Variants in RPA3 observed in about 807,000 individuals in gnomAD.
RPA3 encodes the protein replication protein A3, also known as replication protein A 14 kDa subunit.
Under a neutral mutation model 13.7 loss-of-function variants are expected in RPA3, and 24 were observed. The observed-to-expected ratio is 1.75, with a 90% confidence interval of 1.27 to 2.46. The LOEUF is 2.46. RPA3 is among the 30% of genes most tolerant of loss of function. RPA3 has a pLI of 0.00. For synonymous variants in RPA3, 59 were observed against 51.2 expected, an observed-to-expected ratio of 1.15 and a Z score of -0.65; for missense variants, 183 against 151.0, an observed-to-expected ratio of 1.21 and a Z score of -1.11.
intron 5 of RPA3, 50 bp downstream of exon 5, chr7:7,640,270 C>A (rs1159375598): frequency 6.3e-7 from 1 of 1,575,038 alleles, no homozygotes. Flanking sequence ...CAGGCGGGGT[C>A]CCTCCCTCCA....
intron 4 of RPA3, among the ~76,000 whole-genome samples, chr7:7,648,125 G>T (rs1471373782): frequency 1.3e-5 from 2 of 152,212 alleles, no homozygotes; most frequent in African/African-American, 4.8e-5. Context: ...ATACCAGCCA[G>T]TGGGCTCCAG....
chr7:7,681,163 A>G (rs1779902289), intron 4 of RPA3, among the ~76,000 whole-genome samples: 1 of 152,146 alleles, frequency 6.6e-6, no homozygotes, highest in Non-Finnish European at 1.5e-5. Flanking sequence ...TTATCTCCTT[A>G]TGTGGCCTTT....
chr7:7,644,632 C>T (rs1345683681), intron 4 of RPA3, among the ~76,000 whole-genome samples: 1 of 152,138 alleles, frequency 6.6e-6, no homozygotes, highest in African/African-American at 2.4e-5. Flanking sequence ...GACTGTATCA[C>T]CTTTTTGCCA....
rs34968724 is a variant in RPA3, at chr7:7,685,314, C to CTT, written c.-758+514_-758+515dup. ...ATTATTATTGGGTTTACACATTGAT[C>CTT]TTTTTTTTTTTTTTGAGACGGAGTC... On this transcript the variant is annotated intron_variant, in intron 4 of 7. Transcript: ENST00000223129. Among the ~76,000 whole-genome samples, 140 of 143,708 alleles carry CTT rather than the reference C, an allele frequency of 9.7e-4. 2 individuals carry two copies. Among genetic ancestry groups the CTT allele is most frequent in the East Asian group, 6.5e-3 (32 of 4,914 alleles). 94.3% of individuals were successfully genotyped at this position (143,708 alleles called of 152,430 possible).
chr7:7,639,025 G>A, intron 6 of RPA3, 45 bp downstream of exon 6: 4 of 1,391,698 alleles, frequency 2.9e-6, no homozygotes, highest in Non-Finnish European at 3.9e-6. Flanking sequence ...TCAAGATGAA[G>A]AATTAACTAT....
At chr7:7,677,909 G>A (rs530695352) in intron 4 of RPA3, among the ~76,000 whole-genome samples, 32 of 151,668 alleles carry the variant, frequency 2.1e-4, no homozygotes, top group African/African-American at 7.0e-4. Flanking sequence ...TCCTGACCTC[G>A]TGATCCGCCC....
chr7:7,714,042 T>A (rs1487674636), intron 2 of RPA3, among the ~76,000 whole-genome samples: 1 of 152,248 alleles, frequency 6.6e-6, no homozygotes, highest in Non-Finnish European at 1.5e-5. Context: ...GAGTTATTTT[T>A]AAATGTTTTA....
intron 4 of RPA3, among the ~76,000 whole-genome samples, chr7:7,659,666 G>A (rs1432127518): frequency 6.6e-6 from 1 of 152,106 alleles, no homozygotes; most frequent in African/African-American, 2.4e-5. Flanking sequence ...TGTGGTCTGA[G>A]AGACTGTTAT....
intron 7 of RPA3, 115 bp from the exon 8 acceptor site, chr7:7,637,197 T>C: frequency 1.3e-6 from 1 of 763,398 alleles, no homozygotes; most frequent in South Asian, 1.6e-5. Flanking sequence ...AGTGAGTTTC[T>C]AAAAATGGAG....
In RPA3 at chr7:7,649,109, G is replaced by C. The variant is rs563888804; in HGVS notation, c.-757-7934C>G. 1.2e-3 allele frequency among the ~76,000 whole-genome samples: 162 copies of C among 133,014 alleles called. 1 individual carries two copies. The highest frequency in any genetic ancestry group is 2.0e-3 in the Non-Finnish European group (128 of 65,344). 87.3% of individuals were successfully genotyped at this position (133,014 alleles called of 152,430 possible). ...GGAAGTGGAGATTGCAGTAAGCCAA[G>C]ATTGTGCCACTGCACTCCAGCCCGT... is the stretch of plus-strand genomic sequence containing the variant. On this transcript the variant is annotated intron_variant, in intron 4 of 7. Coordinates refer to ENST00000223129, the MANE Select transcript of RPA3 (RefSeq NM_002947.5).
chr7:7,703,484 A>C (rs1158368017), intron 2 of RPA3, among the ~76,000 whole-genome samples: 1 of 152,230 alleles, frequency 6.6e-6, no homozygotes, highest in African/African-American at 2.4e-5. Context: ...TTGTGTGGAT[A>C]TAGCACATAC....
chr7:7,640,237 G>C (rs968864162), intron 5 of RPA3, 83 bp downstream of exon 5: 1 of 1,414,654 alleles, frequency 7.1e-7, no homozygotes, highest in Non-Finnish European at 1.0e-6. Flanking sequence ...GAGGCTTTCC[G>C]TCCTTTTTCA....
At chr7:7,661,420 G>T (rs568072462) in intron 4 of RPA3, among the ~76,000 whole-genome samples, 2 of 152,110 alleles carry the variant, frequency 1.3e-5, no homozygotes, top group East Asian at 3.9e-4. Context: ...GCCTTTTTGC[G>T]CTGGTTTGTC....
intron 2 of RPA3, among the ~76,000 whole-genome samples, chr7:7,707,059 G>A (rs980924581): frequency 1.3e-5 from 2 of 152,116 alleles, no homozygotes; most frequent in African/African-American, 4.8e-5. Context: ...TAATTAATTA[G>A]CATTGAGGAG....
At chr7:7,714,189 T>G (rs2115173725) in intron 2 of RPA3, among the ~76,000 whole-genome samples, 1 of 152,378 alleles carries the variant, frequency 6.6e-6, no homozygotes, top group South Asian at 2.1e-4. Context: ...TGGCCTTTTC[T>G]CAAAGAAAAG....
At chr7:7,685,239 CT>C (rs1391218235) in intron 4 of RPA3, among the ~76,000 whole-genome samples, 1 of 151,328 alleles carries the variant, frequency 6.6e-6, no homozygotes, top group Non-Finnish European at 1.5e-5. Context: ...TATTGAGCAT[CT>C]GTTTTTTTTA....
intron 4 of RPA3, among the ~76,000 whole-genome samples, chr7:7,683,331 G>C (rs2115125180): frequency 6.6e-6 from 1 of 152,256 alleles, no homozygotes; most frequent in East Asian, 1.9e-4. Context: ...CCCAGGAATT[G>C]ATTTTTTCCC....
At chr7:7,650,338 GTTTA>G (rs1167428892) in intron 4 of RPA3, among the ~76,000 whole-genome samples, 4 of 152,102 alleles carry the variant, frequency 2.6e-5, no homozygotes, top group East Asian at 3.8e-4. Flanking sequence ...TTTTCTGAGT[GTTTA>G]TTTCATTCGA....
chr7:7,683,216 A>C (rs978998908), intron 4 of RPA3, among the ~76,000 whole-genome samples: 1 of 152,174 alleles, frequency 6.6e-6, no homozygotes, highest in Non-Finnish European at 1.5e-5. Flanking sequence ...TTAGGGATCT[A>C]TCTCTCTGTG....
Sources: gnomAD v4.1 joint callset for allele counts (sites outside exome capture counted in the v4.1 genomes callset) on GRCh38, gnomAD v4.1.1 for gene constraint, MANE v1.5 for transcripts, NCBI Gene and HGNC (gene_info 2026-07-23, HGNC 2026-07-21) for gene names.